The following WNT7B variants were observed in gnomAD, a reference collection of about 807,000 sequenced individuals.
The protein encoded by WNT7B is Wnt family member 7B, also known as protein Wnt-7b.
In WNT7B, 19 loss-of-function variants were observed where a neutral mutation model predicts 38.2. The observed-to-expected ratio is 0.50, with a 90% CI of 0.35 to 0.73. WNT7B has a LOEUF of 0.73. Ranked by LOEUF, WNT7B falls within the 30% of genes least tolerant of loss-of-function variation. The pLI is 0.01. For synonymous variants in WNT7B, 243 were observed against 209.3 expected, an observed-to-expected ratio of 1.16 and a Z score of -1.39; for missense variants, 423 against 507.9, an observed-to-expected ratio of 0.83 and a Z score of 1.61.
At chr22:45,958,013 T>C (rs901133424) in intron 1 of WNT7B, among the ~76,000 whole-genome samples, 1 of 152,212 alleles carries the variant, frequency 6.6e-6, no homozygotes, top group Non-Finnish European at 1.5e-5. Context: ...GAAGGTTAAG[T>C]GCAGGAGACC....
intron 2 of WNT7B, among the ~76,000 whole-genome samples, chr22:45,946,649 G>T (rs996261937): frequency 6.6e-6 from 1 of 152,176 alleles, no homozygotes; most frequent in Non-Finnish European, 1.5e-5. Context: ...CAGTGGAGGG[G>T]GGCCTAGTGT....
At chr22:45,942,089 G>A (rs901557248) in intron 2 of WNT7B, among the ~76,000 whole-genome samples, 1 of 152,148 alleles carries the variant, frequency 6.6e-6, no homozygotes, top group African/African-American at 2.4e-5. Context: ...GCCTAGAGCT[G>A]GATGGGGAGT....
chr22:45,931,885 T>TG (rs1300844835), intron 2 of WNT7B, among the ~76,000 whole-genome samples: 6 of 152,014 alleles, frequency 3.9e-5, no homozygotes, highest in East Asian at 1.9e-4. Context: ...ACGGGGAGCA[T>TG]GGGGGGCCTC....
intron 1 of WNT7B, among the ~76,000 whole-genome samples, chr22:45,962,224 C>T (rs1932213792): frequency 1.3e-5 from 2 of 152,208 alleles, no homozygotes; most frequent in South Asian, 4.1e-4. Context: ...CCATGGGGTC[C>T]ATTGCACCCC....
chr22:45,939,843 A>C (rs1026230017), intron 2 of WNT7B, among the ~76,000 whole-genome samples: 1 of 152,030 alleles, frequency 6.6e-6, no homozygotes, highest in African/African-American at 2.4e-5. Context: ...ACCTCAAAAA[A>C]CCCCAAAACA....
intron 3 of WNT7B, 34 bp downstream of exon 3, chr22:45,931,064 G>A (rs750548650): frequency 3.3e-6 from 5 of 1,533,916 alleles, no homozygotes; most frequent in Non-Finnish European, 3.5e-6. Context: ...AGCGGTCCCA[G>A]CTACGGCCCC....
chr22:45,943,032 TGCGC>T (rs777181137), intron 2 of WNT7B, among the ~76,000 whole-genome samples: 3 of 138,454 alleles, frequency 2.2e-5, no homozygotes, highest in African/African-American at 9.4e-5. Flanking sequence ...TGTATGTGTG[TGCGC>T]GTGTGTGCAG....
chr22:45,940,158 CCAATGG>C (rs1396607875), intron 2 of WNT7B, among the ~76,000 whole-genome samples: 13 of 152,158 alleles, frequency 8.5e-5, no homozygotes, highest in African/African-American at 3.1e-4. Context: ...ACACATAGGG[CCAATGG>C]ATGGCTTTCA....
intron 1 of WNT7B, among the ~76,000 whole-genome samples, chr22:45,955,828 G>A (rs1054487218): frequency 6.6e-6 from 1 of 152,162 alleles, no homozygotes; most frequent in Admixed American, 6.5e-5. Context: ...CATTCCCCAG[G>A]GACTGTGGAC....
At position 45,922,271 on chromosome 22, in the gene WNT7B, AG is replaced by A. The variant is rs764109966; in HGVS notation, c.*584del. On this transcript the variant is annotated 3_prime_UTR_variant, in exon 4 of 4. Coordinates refer to ENST00000339464, the MANE Select transcript of WNT7B (RefSeq NM_058238.3). Reference sequence around the variant, plus strand: ...CAGGTGGGGCCGGGAAAGGAAACAGAGGGTGTCTAGGGGATGGGCTGACACA... The same window carrying A: ...CAGGTGGGGCCGGGAAAGGAAACAGAGGTGTCTAGGGGATGGGCTGACACA... The A allele has an allele frequency of 6.9e-4, 106 of 152,748 alleles. No individual in the cohort carries two copies. Among genetic ancestry groups the A allele is most frequent in the Non-Finnish European group, 1.4e-3 (97 of 68,496 alleles). 9.5% of individuals were successfully genotyped at this position (152,748 alleles called of 1,614,324 possible). A position where few individuals can be genotyped will look rare whatever the true frequency, so the allele number is the denominator to read the frequency against.
At chr22:45,934,479 G>A (rs1931462149) in intron 2 of WNT7B, among the ~76,000 whole-genome samples, 1 of 152,170 alleles carries the variant, frequency 6.6e-6, no homozygotes, top group African/African-American at 2.4e-5. Context: ...AAATGATTGT[G>A]CGGGCCCAGC....
rs953045528 is a variant in WNT7B, at chr22:45,974,947, C to T, written c.71+1737G>A. 3.9e-5 allele frequency among the ~76,000 whole-genome samples: 6 copies of T among 152,140 alleles called. 1 individual carries two copies. The highest frequency in any genetic ancestry group is 1.4e-4 in the African/African-American group (6 of 41,436). On this transcript the variant is annotated intron_variant, in intron 1 of 3. Coordinates refer to ENST00000339464, the MANE Select transcript of WNT7B (RefSeq NM_058238.3). ...GGCTAGGGTGGACCGTCAGCTCCTT[C>T]TGCTGTCTATGGGGGTTCCTAGAGG...
chr22:45,975,524 C>T lies in WNT7B; in HGVS notation c.71+1160G>A, dbSNP rs1417252157. 8 of 716,404 alleles carry T rather than the reference C, an allele frequency of 1.1e-5. No homozygotes were observed. The highest frequency in any genetic ancestry group is 4.0e-5 in the Admixed American group (2 of 49,914). The allele number at this position is 716,404 out of a possible 1,614,324, so 44.4% of individuals were successfully genotyped here. On this transcript the variant is annotated intron_variant, in intron 1 of 3. Transcript: ENST00000339464. The surrounding 1 kb of genome is among the most constrained non-coding windows in gnomAD (Gnocchi z 6.6). The stretch of plus-strand genomic sequence containing the variant: ...AGCCACTGGCTTTGTCTCTGCAGGC[C>T]TTGGGCCTCAGTTTCTCCACCTGTA...
At chr22:45,957,701 A>AAAC (rs1932102739) in intron 1 of WNT7B, among the ~76,000 whole-genome samples, 2 of 149,894 alleles carry the variant, frequency 1.3e-5, no homozygotes. Flanking sequence ...AAAAAAAAAA[A>AAAC]AAAAAAAAAA....
intron 2 of WNT7B, among the ~76,000 whole-genome samples, chr22:45,931,586 C>A (rs996668947): frequency 6.6e-6 from 1 of 151,938 alleles, no homozygotes. Flanking sequence ...TACAGCAGGC[C>A]CCAGGTCACC....
intron 1 of WNT7B, among the ~76,000 whole-genome samples, chr22:45,968,235 G>A (rs1009286548): frequency 1.3e-5 from 2 of 151,982 alleles, no homozygotes; most frequent in Non-Finnish European, 2.9e-5. Context: ...CCTCTGAGAT[G>A]CCCTAGGGGG....
intron 1 of WNT7B, among the ~76,000 whole-genome samples, chr22:45,971,492 A>ACG (rs905792806): frequency 6.6e-6 from 1 of 151,824 alleles, no homozygotes; most frequent in Non-Finnish European, 1.5e-5. Flanking sequence ...GGGCACACAC[A>ACG]CGCGCGCCCA....
chr22:45,946,875 C>T (rs753235583), intron 2 of WNT7B, among the ~76,000 whole-genome samples: 1 of 152,212 alleles, frequency 6.6e-6, no homozygotes, highest in Non-Finnish European at 1.5e-5. Context: ...TTTCAGCCCT[C>T]GAGATTTAGG....
chr22:45,928,747 C>T (rs1264509621), intron 3 of WNT7B, among the ~76,000 whole-genome samples: 1 of 152,186 alleles, frequency 6.6e-6, no homozygotes, highest in Non-Finnish European at 1.5e-5. Flanking sequence ...CAGACACAAC[C>T]CTGGTCCCTG....
Sources: allele counts gnomAD v4.1 joint callset (sites outside exome capture counted in the v4.1 genomes callset), GRCh38; gene constraint gnomAD v4.1.1; non-coding constraint Gnocchi (gnomAD v3.1); transcripts MANE v1.5; gene names NCBI Gene and HGNC (gene_info 2026-07-23, HGNC 2026-07-21).